Variants in TUSC3 observed in about 807,000 individuals in gnomAD.
TUSC3 encodes the protein dolichyl-diphosphooligosaccharide--protein glycosyltransferase subunit TUSC3.
In TUSC3, 45 loss-of-function variants were observed where a neutral mutation model predicts 44.8. That is an observed-to-expected ratio of 1.00 (90% CI 0.79 to 1.29). The LOEUF is 1.29. TUSC3 is among the 50% of genes most tolerant of loss of function. TUSC3 has a pLI of 0.00. For synonymous variants in TUSC3, 212 were observed against 152.9 expected, an observed-to-expected ratio of 1.39 and a Z score of -2.85; for missense variants, 519 against 437.9, an observed-to-expected ratio of 1.19 and a Z score of -1.65.
chr8:15,807,922 A>G, the TUSC3 span, among the ~76,000 whole-genome samples: 11 of 152,196 alleles, frequency 7.2e-5, no homozygotes, highest in East Asian at 9.6e-4. Context: ...ACTACATTCT[A>G]TATCTGGGGG....
intron 9 of TUSC3, among the ~76,000 whole-genome samples, chr8:15,751,570 G>C (rs1408616807): frequency 2.6e-5 from 4 of 152,152 alleles, no homozygotes; most frequent in Non-Finnish European, 5.9e-5. Flanking sequence ...GATTTAAGTA[G>C]AACTTTGAAG....
At chr8:15,697,143 T>C (rs1250176242) in intron 6 of TUSC3, among the ~76,000 whole-genome samples, 2 of 152,312 alleles carry the variant, frequency 1.3e-5, no homozygotes, top group South Asian at 2.1e-4. Context: ...TTTCATTTCT[T>C]ATTGAGCTTG....
At chr8:15,463,261 G>C (rs1800371142) in intron 1 of TUSC3, among the ~76,000 whole-genome samples, 1 of 151,958 alleles carries the variant, frequency 6.6e-6, no homozygotes, top group African/African-American at 2.4e-5. Flanking sequence ...ATACGTATTG[G>C]GAAGAATAAA....
rs971823644 is a variant in TUSC3, at chr8:15,622,357, C to G, written c.139-723C>G. Among the ~76,000 whole-genome samples the G allele has an allele frequency of 4.0e-5, 6 of 151,704 alleles. No individual in the cohort carries two copies. In the East Asian group the frequency reaches 1.2e-3, roughly 30 times the overall value. On this transcript the variant is annotated intron_variant, in intron 1 of 10. Transcript: ENST00000503731. The stretch of plus-strand genomic sequence containing the variant: ...GTGTTGCCTAAGCTTATCTTGAACT[C>G]CTTGGGCTCAAGTGATCCTCCCACC...
chr8:15,473,753 A>G (rs952155683), intron 1 of TUSC3, among the ~76,000 whole-genome samples: 1 of 152,184 alleles, frequency 6.6e-6, no homozygotes, highest in Non-Finnish European at 1.5e-5. Flanking sequence ...CAAAGGGCAA[A>G]AAGCAGAACA....
At chr8:15,761,360 A>C (rs991313216) in intron 10 of TUSC3, among the ~76,000 whole-genome samples, 1 of 152,126 alleles carries the variant, frequency 6.6e-6, no homozygotes, top group African/African-American at 2.4e-5. Flanking sequence ...GATGGACTTT[A>C]AGCAAAAATA....
chr8:15,570,954 G>GTTTTTTTGTTTTTTTTTTTTTTTTTT (rs1802850900), intron 1 of TUSC3, among the ~76,000 whole-genome samples: 1 of 44,494 alleles, frequency 2.2e-5, no homozygotes, highest in Non-Finnish European at 5.2e-5. Flanking sequence ...TTGCCTATTA[G>GTTTTTTTGTTTTTTTTTTTTTTTTTT]TTTTTTTTTT....
chr8:15,420,344 A>C (rs539887714), intron 1 of TUSC3, among the ~76,000 whole-genome samples: 2 of 151,990 alleles, frequency 1.3e-5, no homozygotes, highest in African/African-American at 4.8e-5. Context: ...TAAAAATAAA[A>C]AAAAATTAGC....
intron 2 of TUSC3, among the ~76,000 whole-genome samples, chr8:15,503,737 T>C (rs1280364339): frequency 6.6e-6 from 1 of 151,968 alleles, no homozygotes; most frequent in Non-Finnish European, 1.5e-5. Flanking sequence ...CCACAATGGC[T>C]CATGCCTGTA....
At chr8:15,842,284 G>A in the TUSC3 span, among the ~76,000 whole-genome samples, 1 of 152,112 alleles carries the variant, frequency 6.6e-6, no homozygotes, top group Non-Finnish European at 1.5e-5. Context: ...GTGAACCTGG[G>A]TTGACTGGTC....
intron 9 of TUSC3, among the ~76,000 whole-genome samples, chr8:15,754,579 CTTT>C (rs1459170717): frequency 6.6e-6 from 1 of 151,950 alleles, no homozygotes; most frequent in Non-Finnish European, 1.5e-5. Context: ...ACACCTTCTA[CTTT>C]TTTTCCTTTT....
At chr8:15,543,493 T>C (rs149926573) in intron 1 of TUSC3, among the ~76,000 whole-genome samples, 6 of 152,302 alleles carry the variant, frequency 3.9e-5, no homozygotes, top group African/African-American at 1.4e-4. Flanking sequence ...CGACAAACTC[T>C]CTGCATTTTA....
At chr8:15,504,436 T>C (rs1801016133) in intron 2 of TUSC3, among the ~76,000 whole-genome samples, 1 of 151,664 alleles carries the variant, frequency 6.6e-6, no homozygotes, top group East Asian at 1.9e-4. Flanking sequence ...GTTGTTAGTA[T>C]TAGTTACCAT....
intron 1 of TUSC3, among the ~76,000 whole-genome samples, chr8:15,437,926 C>G (rs568194296): frequency 1.3e-5 from 2 of 152,268 alleles, no homozygotes; most frequent in Non-Finnish European, 2.9e-5. Flanking sequence ...AAAACATTAT[C>G]CCAAAGTGGT....
intron 2 of TUSC3, among the ~76,000 whole-genome samples, chr8:15,502,440 G>A (rs562032296): frequency 6.6e-6 from 1 of 152,042 alleles, no homozygotes; most frequent in South Asian, 2.1e-4. Flanking sequence ...TTTTATTAGA[G>A]CTCCTATGTC....
chr8:15,555,947 G>T (rs1293846523), intron 1 of TUSC3, among the ~76,000 whole-genome samples: 2 of 151,046 alleles, frequency 1.3e-5, no homozygotes, highest in Non-Finnish European at 3.0e-5. Flanking sequence ...GGATATAAAT[G>T]ATCAAAACCA....
intron 7 of TUSC3, among the ~76,000 whole-genome samples, chr8:15,734,923 G>C (rs910464262): frequency 1.3e-5 from 2 of 152,184 alleles, no homozygotes; most frequent in African/African-American, 2.4e-5. Context: ...GGATAATGAA[G>C]ACCTTGCTGA....
intron 6 of TUSC3, among the ~76,000 whole-genome samples, chr8:15,681,941 A>C (rs971887093): frequency 4.6e-5 from 7 of 152,090 alleles, no homozygotes; most frequent in African/African-American, 1.7e-4. Flanking sequence ...TTCAGGAGCA[A>C]GTTGTTTAGT....
chr8:15,633,080 A>G (rs79661888), intron 2 of TUSC3, among the ~76,000 whole-genome samples: 27 of 152,278 alleles, frequency 1.8e-4, no homozygotes, highest in Non-Finnish European at 3.4e-4. Context: ...GCTAAGGGAT[A>G]TGGTTCTGTG....
Sources: gnomAD v4.1 joint callset for allele counts (sites outside exome capture counted in the v4.1 genomes callset) on GRCh38, gnomAD v4.1.1 for gene constraint, MANE v1.5 for transcripts, NCBI Gene and HGNC (gene_info 2026-07-23, HGNC 2026-07-21) for gene names.